VPS37C: variants seen among roughly 807,000 people sequenced by gnomAD.
VPS37C encodes VPS37C subunit of ESCRT-I.
VPS37C carries 9 observed loss-of-function variants against 16.1 expected under a neutral mutation model. That is an observed-to-expected ratio of 0.56 (90% confidence interval 0.34 to 0.97). VPS37C has a LOEUF of 0.97. VPS37C is among the 50% of genes least tolerant of loss of function. The probability of loss-of-function intolerance (pLI) is 0.02; values close to 1 mark genes in which losing one functional copy is unlikely to be tolerated. For missense variants in VPS37C, 479 were observed against 472.7 expected, an observed-to-expected ratio of 1.01 and a Z score of -0.12; for synonymous variants, 207 against 206.4, an observed-to-expected ratio of 1.00 and a Z score of -0.02.
rs115584091 is a variant in VPS37C, at chr11:61,142,188, G to A, written c.-6-3353C>T. ...GAGGACTCCAAAGAGTTTTGTTTAT[G>A]TGGATTATAGCTATCGGTATTTACC... On this transcript the variant is annotated intron_variant, in intron 1 of 4. Transcript: ENST00000301765. Among the ~76,000 whole-genome samples the A allele has an allele frequency of 6.4e-3, 982 of 152,348 alleles. 12 individuals are homozygous for A. The highest frequency in any genetic ancestry group is 0.023 in the African/African-American group (946 of 41,564).
rs1240923551 is a variant in VPS37C, at chr11:61,132,161, G to C, written c.727C>G (p.Pro243Ala). The change falls in exon 5 of 5, where the codon CCC (proline) becomes GCC (alanine). Residue 243 changes from proline (P) to alanine (A), a missense_variant. Coordinates refer to ENST00000301765, the MANE Select transcript of VPS37C (RefSeq NM_017966.5). Reference sequence around the variant, plus strand: ...CCAAGCTGGGCTGCCGGGTAAGTGGGGCCCAGAGGCCCGCTGTAGAAGGAG... The same window carrying C: ...CCAAGCTGGGCTGCCGGGTAAGTGGCGCCCAGAGGCCCGCTGTAGAAGGAG... ...QPSFYSGPLG[P>A]TYPAAQLGPR... is the part of the protein sequence containing the mutation. 6 of 1,461,206 alleles carry C rather than the reference G, an allele frequency of 4.1e-6. No individual in the cohort carries two copies. In the African/African-American group the frequency reaches 7.1e-5, roughly 17 times the overall value. The allele number at this position is 1,461,206 out of a possible 1,614,324, so 90.5% of individuals were successfully genotyped here.
chr11:61,139,888 G>A (rs1344114205), intron 1 of VPS37C, among the ~76,000 whole-genome samples: 2 of 151,812 alleles, frequency 1.3e-5, no homozygotes, highest in African/African-American at 2.4e-5. Context: ...CACTATAGGT[G>A]TGCGTTACCA....
At position 61,131,439 on chromosome 11, in the gene VPS37C, G is replaced by A. The variant is rs1861255485; in HGVS notation, c.*381C>T. ...CCCAGGGGAGATGGAGGGGGCTGGA[G>A]ACCCGGGGCCTCCTCATAGAGATAA... On this transcript the variant is annotated 3_prime_UTR_variant, in exon 5 of 5. Coordinates refer to ENST00000301765, the MANE Select transcript of VPS37C (RefSeq NM_017966.5). 1 of 183,724 alleles carries A rather than the reference G, an allele frequency of 5.4e-6. No individual in the cohort carries two copies. The highest frequency in any genetic ancestry group is 1.3e-4 in the East Asian group (1 of 7,598). 11.4% of individuals were successfully genotyped at this position (183,724 alleles called of 1,614,324 possible). A position where few individuals can be genotyped will look rare whatever the true frequency, so the allele number is the denominator to read the frequency against.
At chr11:61,134,333 T>C (rs1234252864) in intron 2 of VPS37C, 126 bp from the exon 3 acceptor site, 1 of 1,041,698 alleles carries the variant, frequency 9.6e-7, no homozygotes, top group Non-Finnish European at 1.4e-6. Flanking sequence ...CTTGGGGCAA[T>C]ACTCAGCCCT....
chr11:61,130,305 G>GCGGT lies in VPS37C; in HGVS notation c.*1511_*1514dup, dbSNP rs938785502. 1.7e-4 allele frequency: 26 copies of GCGGT among 152,810 alleles called. No individual in the cohort carries two copies. The highest frequency in any genetic ancestry group is 6.3e-4 in the African/African-American group (26 of 41,472). 9.5% of individuals were successfully genotyped at this position (152,810 alleles called of 1,614,324 possible). On this transcript the variant is annotated 3_prime_UTR_variant, in exon 5 of 5. Coordinates refer to ENST00000301765, the MANE Select transcript of VPS37C (RefSeq NM_017966.5). ...GGCAATTAATTACACAAACATACAG[G>GCGGT]CGGTCGGTCATCCAGCTCAGAAGCA...
chr11:61,153,758 G>A (rs1590794489), intron 1 of VPS37C, among the ~76,000 whole-genome samples: 1 of 152,162 alleles, frequency 6.6e-6, no homozygotes, highest in Non-Finnish European at 1.5e-5. Context: ...CTCCAGGGAG[G>A]CCAGGGTAGC....
chr11:61,146,902 A>G (rs1166711481), intron 1 of VPS37C, among the ~76,000 whole-genome samples: 1 of 152,228 alleles, frequency 6.6e-6, no homozygotes, highest in East Asian at 1.9e-4. Flanking sequence ...TGGTAGTAGG[A>G]GGCCAAGCGA....
At chr11:61,155,835 A>G (rs1853367931) in intron 1 of VPS37C, among the ~76,000 whole-genome samples, 1 of 152,228 alleles carries the variant, frequency 6.6e-6, no homozygotes, top group African/African-American at 2.4e-5. Flanking sequence ...ATATAAAAGA[A>G]CTTTACATTT....
intron 1 of VPS37C, among the ~76,000 whole-genome samples, chr11:61,159,656 G>A (rs1352188664): frequency 1.3e-5 from 2 of 151,272 alleles, no homozygotes; most frequent in Non-Finnish European, 1.5e-5. Context: ...ATTGCTTGCA[G>A]TGAGCCGAGA....
rs1292531009 is a variant in VPS37C at position 61,134,825 on chromosome 11, A to T, written c.94-618T>A. Reference sequence around the variant, plus strand: ...ATGAGCCAGAGGGGCCACCCTGGACATTCCCTGCTGCAAACACTTCCCCAA... The same window carrying T: ...ATGAGCCAGAGGGGCCACCCTGGACTTTCCCTGCTGCAAACACTTCCCCAA... On this transcript the variant is annotated intron_variant, in intron 2 of 4. Coordinates refer to ENST00000301765, the MANE Select transcript of VPS37C (RefSeq NM_017966.5). Among the ~76,000 whole-genome samples the T allele has an allele frequency of 2.6e-5, 4 of 152,188 alleles. No individual in the cohort carries two copies. The East Asian group carries it at 7.7e-4, about 29-fold the overall frequency.
At chr11:61,138,491 G>A in intron 2 of VPS37C, 1 of 491,530 alleles carries the variant, frequency 2.0e-6, no homozygotes, top group South Asian at 2.5e-5. Context: ...CGACAGTGTG[G>A]GGACTCCTGG....
intron 1 of VPS37C, chr11:61,145,221 G>A (rs1853179899): frequency 6.6e-6 from 1 of 152,242 alleles, no homozygotes; most frequent in Non-Finnish European, 1.5e-5. Context: ...GAAAGAAGCA[G>A]GAAGGACACT....
chr11:61,155,827 A>G (rs1166833848), intron 1 of VPS37C, among the ~76,000 whole-genome samples: 1 of 152,244 alleles, frequency 6.6e-6, no homozygotes, highest in East Asian at 1.9e-4. Flanking sequence ...ACAAGTAAAT[A>G]TAAAAGAACT....
chr11:61,144,663 G>A lies in VPS37C; in HGVS notation c.-6-5828C>T, dbSNP rs545275712. 3.9e-5 allele frequency: 6 copies of A among 152,548 alleles called. No individual in the cohort carries two copies. In the South Asian group the frequency reaches 1.0e-3, roughly 26 times the overall value. The allele number at this position is 152,548 out of a possible 1,614,324, so 9.4% of individuals were successfully genotyped here. ...CACAGAGGGAGGCAGCGTCACATAC[G>A]GTCAAGACCAAGAGGCGGAACGTCA... On this transcript the variant is annotated intron_variant, in intron 1 of 4. Coordinates refer to ENST00000301765, the MANE Select transcript of VPS37C (RefSeq NM_017966.5).
rs1286379701 is a variant in VPS37C, at chr11:61,130,326, A to C, written c.*1494T>G. ...ACAGGCGGTCGGTCATCCAGCTCAGAAGCACTCAAACCAGTAGAGTCCATT... is the reference window on the plus strand; with the variant it reads ...ACAGGCGGTCGGTCATCCAGCTCAGCAGCACTCAAACCAGTAGAGTCCATT... On this transcript the variant is annotated 3_prime_UTR_variant, in exon 5 of 5. Transcript: ENST00000301765. The C allele has an allele frequency of 6.5e-6, 1 of 153,610 alleles. No individual in the cohort carries two copies. Among genetic ancestry groups the C allele is most frequent in the Non-Finnish European group, 1.5e-5 (1 of 68,958 alleles). The allele number at this position is 153,610 out of a possible 1,614,324, so 9.5% of individuals were successfully genotyped here.
chr11:61,159,958 A>C (rs1853444001), intron 1 of VPS37C, among the ~76,000 whole-genome samples: 1 of 150,644 alleles, frequency 6.6e-6, no homozygotes, highest in Non-Finnish European at 1.5e-5. Flanking sequence ...TGGCTGTGTG[A>C]CACTAGCCAG....
intron 1 of VPS37C, among the ~76,000 whole-genome samples, chr11:61,155,661 A>G (rs957956670): frequency 6.6e-6 from 1 of 152,186 alleles, no homozygotes. Flanking sequence ...CAAAATAAAG[A>G]CTTCTCTAGA....
chr11:61,135,095 C>A (rs1861343281), intron 2 of VPS37C, among the ~76,000 whole-genome samples: 1 of 152,250 alleles, frequency 6.6e-6, no homozygotes, highest in South Asian at 2.1e-4. Flanking sequence ...GGGAACAGCT[C>A]AGCAAGACTG....
In VPS37C at chr11:61,132,245, C is replaced by T. The variant is rs145836640; in HGVS notation, c.643G>A (p.Val215Met). The change falls in exon 5 of 5, where the codon GTG (valine) becomes ATG (methionine). Residue 215 changes from valine (V) to methionine (M), a missense_variant. Transcript: ENST00000301765. Reference sequence around the variant, plus strand: ...AGGGCTCCATGGGCAGTGGGGCCCACAGGCAGGCTGGGGGATGGGCTGTAG... The same window carrying T: ...AGGGCTCCATGGGCAGTGGGGCCCATAGGCAGGCTGGGGGATGGGCTGTAG... ...LPYSPSPSLP[V>M]GPTAHGALPP... is the part of the protein sequence containing the mutation. 1.2e-4 allele frequency: 175 copies of T among 1,521,086 alleles called. 1 individual carries two copies. In the African/African-American group the frequency reaches 2.2e-3, roughly 19 times the overall value. 94.2% of individuals were successfully genotyped at this position (1,521,086 alleles called of 1,614,324 possible).
Sources: allele counts gnomAD v4.1 joint callset (sites outside exome capture counted in the v4.1 genomes callset), GRCh38; gene constraint gnomAD v4.1.1; transcripts MANE v1.5; gene names NCBI Gene and HGNC (gene_info 2026-07-23, HGNC 2026-07-21).